NXPE4: variants seen among roughly 807,000 people sequenced by gnomAD.
The protein encoded by NXPE4 is NXPE family member 4.
Under a neutral mutation model 33.3 loss-of-function variants are expected in NXPE4, and 42 were observed. That is an observed-to-expected ratio of 1.26 (90% CI 0.98 to 1.63). The LOEUF (loss-of-function observed/expected upper bound fraction) is 1.63, where lower values mean the gene tolerates loss of function less well. NXPE4 is among the 40% of genes most tolerant of loss of function. NXPE4 has a pLI of 0.00. For synonymous variants in NXPE4, 253 were observed against 234.9 expected, an observed-to-expected ratio of 1.08 and a Z score of -0.71; for missense variants, 709 against 647.6, an observed-to-expected ratio of 1.09 and a Z score of -1.03.
chr11:114,631,998 GCTA>G, the NXPE4 span, among the ~76,000 whole-genome samples: 1 of 148,082 alleles, frequency 6.8e-6, no homozygotes, highest in African/African-American at 2.5e-5. Context: ...ATAGGTAACA[GCTA>G]CTATTACCTA....
the NXPE4 span, among the ~76,000 whole-genome samples, chr11:114,625,812 G>A: frequency 3.1e-4 from 47 of 152,220 alleles, no homozygotes; most frequent in Middle Eastern, 3.4e-3. Context: ...AGGTCAGTGG[G>A]TGAGCACACC....
chr11:114,605,293 A>T, the NXPE4 span, among the ~76,000 whole-genome samples: 2 of 151,148 alleles, frequency 1.3e-5, no homozygotes, highest in Non-Finnish European at 2.9e-5. Context: ...GATAATAAGT[A>T]TTGACTTGTG....
At chr11:114,634,682 C>T in the NXPE4 span, among the ~76,000 whole-genome samples, 13 of 151,974 alleles carry the variant, frequency 8.6e-5, no homozygotes, top group Middle Eastern at 3.4e-3. Flanking sequence ...TTCTACATAT[C>T]GCTAGTTGGT....
At chr11:114,660,129 A>G in the NXPE4 span, among the ~76,000 whole-genome samples, 3 of 152,060 alleles carry the variant, frequency 2.0e-5, no homozygotes, top group Non-Finnish European at 2.9e-5. Context: ...TAGCTTTGGG[A>G]GAAACTACAT....
chr11:114,653,780 G>A, the NXPE4 span, among the ~76,000 whole-genome samples: 6 of 151,808 alleles, frequency 4.0e-5, no homozygotes, highest in Admixed American at 6.6e-5. Context: ...TGCCCATCTC[G>A]GCCTCCCAAA....
chr11:114,632,610 T>G, the NXPE4 span, among the ~76,000 whole-genome samples: 4 of 103,346 alleles, frequency 3.9e-5, no homozygotes, highest in African/African-American at 1.6e-4. Context: ...TATATTTATA[T>G]TTTATATATA....
At chr11:114,610,200 C>T in the NXPE4 span, among the ~76,000 whole-genome samples, 3 of 151,814 alleles carry the variant, frequency 2.0e-5, no homozygotes, top group Non-Finnish European at 4.4e-5. Context: ...ACGTGGGTAG[C>T]CACTGTTACC....
chr11:114,584,884 A>T (rs1468417661), intron 2 of NXPE4, among the ~76,000 whole-genome samples: 1 of 152,152 alleles, frequency 6.6e-6, no homozygotes, highest in African/African-American at 2.4e-5. Flanking sequence ...CTTCTAGGAA[A>T]TGCCTTGCCA....
chr11:114,666,820 CT>C, the NXPE4 span, among the ~76,000 whole-genome samples: 2 of 152,054 alleles, frequency 1.3e-5, no homozygotes, highest in Non-Finnish European at 2.9e-5. Context: ...AACATTTGAA[CT>C]GAATTCTTAT....
chr11:114,572,596 T>A (rs1407569929), intron 5 of NXPE4, among the ~76,000 whole-genome samples: 1 of 152,002 alleles, frequency 6.6e-6, no homozygotes, highest in East Asian at 1.9e-4. Context: ...GCAATAGAAT[T>A]GAACAAGCAG....
intron 2 of NXPE4, chr11:114,583,620 A>T: frequency 1.7e-6 from 1 of 593,452 alleles, no homozygotes; most frequent in Non-Finnish European, 3.3e-6. Flanking sequence ...AGTGCTGTGA[A>T]ACTTAATGAG....
the NXPE4 span, among the ~76,000 whole-genome samples, chr11:114,675,780 G>T: frequency 7.8e-4 from 119 of 151,760 alleles, no homozygotes; most frequent in African/African-American, 2.7e-3. Flanking sequence ...ACAAAAGACC[G>T]CAAATAGCCA....
At chr11:114,621,366 T>C in the NXPE4 span, among the ~76,000 whole-genome samples, 1 of 151,858 alleles carries the variant, frequency 6.6e-6, no homozygotes, top group African/African-American at 2.4e-5. Context: ...AATACTGTTA[T>C]CTGCTGCATA....
Position 114,582,574 on chromosome 11 carries a change from T to C in NXPE4, c.544A>G (p.Ile182Val), listed in dbSNP as rs1283470019. Residue 182 changes from isoleucine to valine, a missense_variant, in exon 3 of 6, where the codon ATC becomes GTC. Coordinates refer to ENST00000375478, the MANE Select transcript of NXPE4 (RefSeq NM_001077639.2). ...EGQVSLSLLL[I>V]HPSEGVSALW... The stretch of plus-strand genomic sequence containing the variant: ...GCTGACACCCCTTCACTGGGGTGGA[T>C]GAGCAGCAGAGACAGAGAGACCTGG... The C allele has an allele frequency of 2.5e-6, 4 of 1,614,060 alleles. No homozygotes were observed. In the African/African-American group the frequency reaches 5.3e-5, roughly 22 times the overall value.
the NXPE4 span, among the ~76,000 whole-genome samples, chr11:114,664,871 C>A: frequency 6.6e-6 from 1 of 152,146 alleles, no homozygotes; most frequent in Non-Finnish European, 1.5e-5. Flanking sequence ...CAGTGTACTA[C>A]TGGATTGTCA....
chr11:114,634,656 G>A, the NXPE4 span, among the ~76,000 whole-genome samples: 1 of 151,948 alleles, frequency 6.6e-6, no homozygotes, highest in Admixed American at 6.6e-5. Flanking sequence ...TGTAAGGAAG[G>A]GATCCAGTTT....
At chr11:114,675,465 A>T in the NXPE4 span, among the ~76,000 whole-genome samples, 1 of 151,912 alleles carries the variant, frequency 6.6e-6, no homozygotes, top group Non-Finnish European at 1.5e-5. Flanking sequence ...AAGTTGCAGG[A>T]TACAAAATTC....
the NXPE4 span, among the ~76,000 whole-genome samples, chr11:114,636,908 G>T: frequency 6.6e-6 from 1 of 152,112 alleles, no homozygotes; most frequent in Non-Finnish European, 1.5e-5. Flanking sequence ...TGGAATAGGT[G>T]TGGTGTGTTG....
the NXPE4 span, among the ~76,000 whole-genome samples, chr11:114,619,356 G>A: frequency 1.1e-4 from 17 of 150,586 alleles, no homozygotes; most frequent in Admixed American, 9.9e-4. Context: ...ACTGTTACCC[G>A]GTAGATAATA....
Sources: gnomAD v4.1 joint callset for allele counts (sites outside exome capture counted in the v4.1 genomes callset) on GRCh38, gnomAD v4.1.1 for gene constraint, MANE v1.5 for transcripts, NCBI Gene and HGNC (gene_info 2026-07-23, HGNC 2026-07-21) for gene names.